MROH2B: variants seen among roughly 807,000 people sequenced by gnomAD.
The protein encoded by MROH2B is maestro heat like repeat family member 2B.
A neutral mutation model predicts 208.6 loss-of-function variants in MROH2B; 177 were observed. The observed-to-expected ratio is 0.85, with a 90% CI of 0.75 to 0.96. The LOEUF is 0.96. Ranked by LOEUF, MROH2B falls within the 40% of genes least tolerant of loss-of-function variation. The probability of loss-of-function intolerance (pLI) is 0.00; values close to 1 mark genes in which losing one functional copy is unlikely to be tolerated. For synonymous variants in MROH2B, 728 were observed against 659.0 expected (o/e 1.10, Z -1.60); for missense variants, 2,002 against 1,878.7 (o/e 1.07, Z -1.21).
chr5:41,052,596 A>G lies in MROH2B; in HGVS notation c.1108-9T>C, dbSNP rs1214312183. ...AGAACAGAATTTCTTACCTAGGGTA[A>G]GAACAATGCAATAGCAACATTTTAC... On this transcript the variant is annotated splice_polypyrimidine_tract_variant and intron_variant, in intron 11 of 41. Coordinates refer to ENST00000399564, the MANE Select transcript of MROH2B (RefSeq NM_173489.5). 1 of 1,604,144 alleles carries G rather than the reference A, an allele frequency of 6.2e-7. No individual in the cohort carries two copies. The highest frequency in any genetic ancestry group is 1.7e-5 in the Admixed American group (1 of 58,862).
At chr5:41,030,408 T>G (rs997785231) in intron 24 of MROH2B, among the ~76,000 whole-genome samples, 1 of 151,806 alleles carries the variant, frequency 6.6e-6, no homozygotes. Context: ...AGAAATATAC[T>G]TAACCAAGGA....
At chr5:41,035,269 A>C (rs1216431551) in intron 21 of MROH2B, among the ~76,000 whole-genome samples, 3 of 152,136 alleles carry the variant, frequency 2.0e-5, no homozygotes, top group Admixed American at 1.3e-4. Context: ...ACAGAAACTC[A>C]GAAATAAAGC....
Position 41,025,424 on chromosome 5 carries a change from A to G in MROH2B, c.2442-6406T>C, listed in dbSNP as rs535912390. 6.8e-4 allele frequency among the ~76,000 whole-genome samples: 103 copies of G among 152,352 alleles called. 1 individual carries two copies. The highest frequency in any genetic ancestry group is 3.2e-3 in the Admixed American group (49 of 15,298). On this transcript the variant is annotated intron_variant, in intron 24 of 41. Transcript: ENST00000399564. ...ATAAACACCTCTACACAAATAAACT[A>G]GAAGATCTAGAAGAAATGGATAAAT...
At chr5:41,022,495 C>T (rs1403232198) in intron 24 of MROH2B, among the ~76,000 whole-genome samples, 3 of 152,104 alleles carry the variant, frequency 2.0e-5, no homozygotes, top group Admixed American at 6.5e-5. Context: ...GGCAGCGAGG[C>T]TGGGGGAGGG....
intron 27 of MROH2B, 85 bp from the exon 28 acceptor site, chr5:41,018,055 T>G: frequency 6.8e-7 from 1 of 1,471,788 alleles, no homozygotes; most frequent in Non-Finnish European, 9.1e-7. Flanking sequence ...TCAAGTCTCT[T>G]ATTTTCTCTC....
Position 41,058,162 on chromosome 5 carries a change from C to T in MROH2B, c.657G>A (p.Leu219=), listed in dbSNP as rs761049611. ...CACGGAAGTCTTCCCGATGCAGCAG[C>T]AAGCTCACCGTGGGCCCGTGGGCCT... ...IVKAHGPTVS[L]LLHREDFRGY... Residue 219 remains leucine, a synonymous_variant, in exon 7 of 42, where the codon TTG becomes TTA. Coordinates refer to ENST00000399564, the MANE Select transcript of MROH2B (RefSeq NM_173489.5). 6.2e-7 allele frequency: 1 copy of T among 1,605,876 alleles called. No homozygotes were observed. The highest frequency in any genetic ancestry group is 1.7e-5 in the Admixed American group (1 of 58,808).
chr5:41,004,265 A>C, intron 37 of MROH2B, 81 bp downstream of exon 37: 1 of 1,492,324 alleles, frequency 6.7e-7, no homozygotes, highest in Non-Finnish European at 9.0e-7. Flanking sequence ...GGACACTGAC[A>C]ATGTCTTCTG....
At chr5:41,058,032 T>C in intron 7 of MROH2B, 31 bp downstream of exon 7, 1 of 1,467,326 alleles carries the variant, frequency 6.8e-7, no homozygotes, top group Admixed American at 2.4e-5. Flanking sequence ...GCGGGTTCTC[T>C]GATTCAGTTC....
Position 41,018,418 on chromosome 5 carries a change from A to G in MROH2B, c.2686T>C (p.Trp896Arg). Residue 896 changes from tryptophan to arginine, a missense_variant, in exon 27 of 42, where the codon TGG becomes CGG. By Grantham distance (101) the Trp-to-Arg change is moderately radical. Coordinates refer to ENST00000399564, the MANE Select transcript of MROH2B (RefSeq NM_173489.5). ...CQEMFNLLQM[W>R]LVSQKEWERE... ...TCCCACTCTTTTTGTGAAACAAGCC[A>G]CATTTGGAGAAGCTGTTGGTCAAAG... 2 of 1,612,850 alleles carry G rather than the reference A, an allele frequency of 1.2e-6. No individual in the cohort carries two copies.
intron 11 of MROH2B, among the ~76,000 whole-genome samples, chr5:41,054,545 A>G (rs1378116797): frequency 6.6e-6 from 1 of 152,216 alleles, no homozygotes; most frequent in Non-Finnish European, 1.5e-5. Context: ...TTAAATAAGC[A>G]AAAATCTTCT....
chr5:41,057,730 C>T (rs896232306), intron 7 of MROH2B, among the ~76,000 whole-genome samples: 2 of 151,038 alleles, frequency 1.3e-5, no homozygotes, highest in African/African-American at 4.9e-5. Context: ...CTAATTTTTG[C>T]ATTTTTAGTA....
chr5:41,063,246 T>C (rs1339736251), intron 5 of MROH2B, among the ~76,000 whole-genome samples: 1 of 152,182 alleles, frequency 6.6e-6, no homozygotes, highest in Non-Finnish European at 1.5e-5. Flanking sequence ...AACACAGTGT[T>C]AGCTATGATA....
chr5:41,047,850 T>C, intron 16 of MROH2B, 86 bp from the exon 17 acceptor site: 2 of 1,103,242 alleles, frequency 1.8e-6, no homozygotes, highest in Non-Finnish European at 2.7e-6. Context: ...CCAGTGATAC[T>C]GGAGTTCTAT....
chr5:41,017,853 T>C lies in MROH2B; in HGVS notation c.2881A>G (p.Lys961Glu). The C allele has an allele frequency of 1.3e-6, 2 of 1,587,712 alleles. No individual in the cohort carries two copies. Among genetic ancestry groups the C allele is most frequent in the South Asian group, 1.2e-5 (1 of 86,530 alleles). The stretch of plus-strand genomic sequence containing the variant: ...GGGTTCCCCATCTTTCCCTCACCTT[T>C]TATATAGAACAGACCAATAGTTGAG... ...ASSTIGLFYIKGIHLEVERLQ... is the reference protein window; with the variant it reads ...ASSTIGLFYIEGIHLEVERLQ... Residue 961 changes from lysine (K) to glutamate (E), a missense_variant, in exon 28 of 42, where the codon AAA becomes GAA. Lys to Glu is a moderately conservative substitution (Grantham distance 56). Transcript: ENST00000399564.
chr5:41,067,211 A>G lies in MROH2B; in HGVS notation c.98T>C (p.Ile33Thr). The change falls in exon 3 of 42, where the codon ATT (isoleucine) becomes ACT (threonine). Residue 33 changes from isoleucine to threonine, a missense_variant. Coordinates refer to ENST00000399564, the MANE Select transcript of MROH2B (RefSeq NM_173489.5). ...NKEDIVNKEDIYSHLTSVIQN... is the reference protein window; with the variant it reads ...NKEDIVNKEDTYSHLTSVIQN... ...AATAACAGAAGTGAGATGACTGTAA[A>G]TGTCTTCCTGTGAATATACAAAGGC... is the stretch of plus-strand genomic sequence containing the variant. 1 of 1,545,138 alleles carries G rather than the reference A, an allele frequency of 6.5e-7. No homozygotes were observed. The highest frequency in any genetic ancestry group is 8.8e-7 in the Non-Finnish European group (1 of 1,140,476).
In MROH2B at chr5:41,044,734, T is replaced by A. The variant is rs189190497; in HGVS notation, c.1836+1012A>T. On this transcript the variant is annotated intron_variant, in intron 18 of 41. Coordinates refer to ENST00000399564, the MANE Select transcript of MROH2B (RefSeq NM_173489.5). ...AATGAGGAGAATTTTGAAAATTACA[T>A]ATGTGAGTTGAAGATTGATAATGAT... is the stretch of plus-strand genomic sequence containing the variant. Among the ~76,000 whole-genome samples the A allele has an allele frequency of 7.3e-3, 1,115 of 152,292 alleles. 12 individuals are homozygous for A. Among genetic ancestry groups the A allele is most frequent in the Non-Finnish European group, 0.012 (839 of 68,024 alleles).
intron 36 of MROH2B, 120 bp from the exon 37 acceptor site, chr5:41,004,648 G>GACT: frequency 2.6e-6 from 4 of 1,513,902 alleles, no homozygotes; most frequent in Non-Finnish European, 3.5e-6. Context: ...TCAACCGAAG[G>GACT]ACTACCACTT....
intron 11 of MROH2B, 123 bp from the exon 12 acceptor site, chr5:41,052,710 T>C (rs950815160): frequency 1.1e-6 from 1 of 882,762 alleles, no homozygotes; most frequent in African/African-American, 1.7e-5. Context: ...GGAACATAAA[T>C]TGAATAGTGT....
At chr5:41,044,309 A>G (rs1381664094) in intron 18 of MROH2B, among the ~76,000 whole-genome samples, 2 of 151,854 alleles carry the variant, frequency 1.3e-5, no homozygotes, top group African/African-American at 2.4e-5. Context: ...TTGTGAGCCT[A>G]GTTGAGATTA....
Sources: allele counts gnomAD v4.1 joint callset (sites outside exome capture counted in the v4.1 genomes callset), GRCh38; gene constraint gnomAD v4.1.1; transcripts MANE v1.5; gene names NCBI Gene and HGNC (gene_info 2026-07-23, HGNC 2026-07-21).